CDX1: variants seen among roughly 807,000 people sequenced by gnomAD.
CDX1 encodes homeobox protein CDX-1.
CDX1 carries 9 observed loss-of-function variants against 16.9 expected under a neutral mutation model. The observed-to-expected ratio is 0.53, with a 90% CI of 0.32 to 0.93. The LOEUF is 0.93. Ranked by LOEUF, CDX1 falls within the 40% of genes least tolerant of loss-of-function variation. The pLI, the probability that CDX1 is intolerant of heterozygous loss-of-function variation, is 0.04. For synonymous variants in CDX1, 179 were observed against 179.0 expected, an observed-to-expected ratio of 1.00 and a Z score of 0.00; for missense variants, 393 against 386.1, an observed-to-expected ratio of 1.02 and a Z score of -0.15.
Position 150,166,870 on chromosome 5 carries a change from G to A in CDX1, c.-7G>A, listed in dbSNP as rs1367137399. The A allele has an allele frequency of 6.8e-7, 1 of 1,479,522 alleles. No homozygotes were observed. Among genetic ancestry groups the A allele is most frequent in the African/African-American group, 1.5e-5 (1 of 67,770 alleles). 91.6% of individuals were successfully genotyped at this position (1,479,522 alleles called of 1,614,324 possible). ...GCCCAGCATGCGCGGGGGACCCCGC[G>A]GCCACCATGTATGTGGGCTATGTGC... On this transcript the variant is annotated 5_prime_UTR_variant, in exon 1 of 3. Transcript: ENST00000231656.
intron 2 of CDX1, 143 bp downstream of exon 2, chr5:150,183,056 A>C: frequency 2.0e-6 from 2 of 1,009,444 alleles, no homozygotes; most frequent in Non-Finnish European, 2.8e-6. Context: ...GCAGAAACTG[A>C]GGTGCTACCA....
chr5:150,179,513 T>C (rs548853880), intron 1 of CDX1, among the ~76,000 whole-genome samples: 1 of 152,378 alleles, frequency 6.6e-6, no homozygotes, highest in South Asian at 2.1e-4. Context: ...GACAGCCCTC[T>C]GCAAGTGCCC....
At chr5:150,176,298 G>A (rs953329971) in intron 1 of CDX1, among the ~76,000 whole-genome samples, 1 of 152,230 alleles carries the variant, frequency 6.6e-6, no homozygotes, top group African/African-American at 2.4e-5. Flanking sequence ...TCCACAGCAA[G>A]TGACCTATAA....
At chr5:150,175,865 C>A (rs1443038709) in intron 1 of CDX1, among the ~76,000 whole-genome samples, 1 of 152,222 alleles carries the variant, frequency 6.6e-6, no homozygotes, top group African/African-American at 2.4e-5. Context: ...CTCTCTCTCA[C>A]GAGGGACTCC....
intron 1 of CDX1, among the ~76,000 whole-genome samples, chr5:150,174,150 A>C (rs944205429): frequency 6.6e-6 from 1 of 152,224 alleles, no homozygotes; most frequent in Non-Finnish European, 1.5e-5. Flanking sequence ...AAGGGGCTGG[A>C]GGCAGAGCCC....
At chr5:150,173,453 G>C (rs1031253066) in intron 1 of CDX1, among the ~76,000 whole-genome samples, 1 of 152,122 alleles carries the variant, frequency 6.6e-6, no homozygotes, top group African/African-American at 2.4e-5. Flanking sequence ...TCAACCTCAG[G>C]TCTTGGCTTA....
At chr5:150,176,766 G>A (rs1761574594) in intron 1 of CDX1, among the ~76,000 whole-genome samples, 1 of 152,266 alleles carries the variant, frequency 6.6e-6, no homozygotes, top group Non-Finnish European at 1.5e-5. Flanking sequence ...TTAGCTGGTG[G>A]TTTAGAATCC....
rs147832567 is a variant in CDX1, at chr5:150,177,863, C to T, written c.446-4905C>T. ...TCTGGGCTGGAACTCCTGACTGCCC[C>T]GAGACACCTCTGGAGTCACAGAGTG... On this transcript the variant is annotated intron_variant, in intron 1 of 2. Coordinates refer to ENST00000231656, the MANE Select transcript of CDX1 (RefSeq NM_001804.3). Among the ~76,000 whole-genome samples, 1,402 of 152,186 alleles carry T rather than the reference C, an allele frequency of 9.2e-3. 16 individuals carry two copies. Among genetic ancestry groups the T allele is most frequent in the Non-Finnish European group, 0.011 (743 of 68,008 alleles).
intron 1 of CDX1, among the ~76,000 whole-genome samples, chr5:150,171,265 G>A (rs972549713): frequency 3.3e-5 from 5 of 152,220 alleles, no homozygotes; most frequent in Non-Finnish European, 7.3e-5. Context: ...ACCTTCTCAA[G>A]GCACATGCCC....
At chr5:150,177,536 T>A (rs1761584720) in intron 1 of CDX1, among the ~76,000 whole-genome samples, 1 of 152,200 alleles carries the variant, frequency 6.6e-6, no homozygotes, top group Non-Finnish European at 1.5e-5. Flanking sequence ...TCTACTGCTG[T>A]TTCTGAGGCC....
rs1473964818 is a variant in CDX1 at position 150,184,208 on chromosome 5, C to G, written c.*528C>G. 2 of 152,408 alleles carry G rather than the reference C, an allele frequency of 1.3e-5. No individual in the cohort carries two copies. Among genetic ancestry groups the G allele is most frequent in the African/African-American group, 4.8e-5 (2 of 41,466 alleles). 9.4% of individuals were successfully genotyped at this position (152,408 alleles called of 1,614,324 possible). On this transcript the variant is annotated 3_prime_UTR_variant, in exon 3 of 3. Coordinates refer to ENST00000231656, the MANE Select transcript of CDX1 (RefSeq NM_001804.3). ...CCCTTCCCAGGCTGGATACTAAGCA[C>G]AAAGCCCATAGCACTGGGCTCTGAT...
chr5:150,168,082 C>T (rs1761457675), intron 1 of CDX1, among the ~76,000 whole-genome samples: 1 of 152,198 alleles, frequency 6.6e-6, no homozygotes, highest in African/African-American at 2.4e-5. Context: ...CGTTATGGGT[C>T]CCCCCTTTGT....
At chr5:150,171,154 A>G (rs951092708) in intron 1 of CDX1, among the ~76,000 whole-genome samples, 3 of 152,110 alleles carry the variant, frequency 2.0e-5, no homozygotes, top group African/African-American at 7.2e-5. Context: ...CCCACATTGC[A>G]GGTCCTCTCC....
intron 1 of CDX1, 58 bp downstream of exon 1, chr5:150,167,379 A>G (rs2113946564): frequency 8.5e-7 from 1 of 1,170,278 alleles, no homozygotes; most frequent in Non-Finnish European, 1.1e-6. Flanking sequence ...GGCGCGGCCC[A>G]GGCCGCCCCC....
intron 1 of CDX1, among the ~76,000 whole-genome samples, chr5:150,173,313 C>T (rs372679286): frequency 1.2e-4 from 19 of 152,204 alleles, no homozygotes; most frequent in South Asian, 6.2e-4. Context: ...ACAAGGCAGA[C>T]GGGTCCACCT....
intron 1 of CDX1, among the ~76,000 whole-genome samples, chr5:150,172,830 G>C (rs1761523944): frequency 6.6e-6 from 1 of 152,356 alleles, no homozygotes; most frequent in Admixed American, 6.5e-5. Flanking sequence ...TGCTTTGGCA[G>C]ATATTGCTGC....
chr5:150,176,748 C>G (rs909350931), intron 1 of CDX1, among the ~76,000 whole-genome samples: 6 of 152,236 alleles, frequency 3.9e-5, no homozygotes, highest in Non-Finnish European at 5.9e-5. Flanking sequence ...GACCAGGACC[C>G]ACTGACTTTA....
At chr5:150,180,932 T>C (rs917059203) in intron 1 of CDX1, among the ~76,000 whole-genome samples, 1 of 152,164 alleles carries the variant, frequency 6.6e-6, no homozygotes, top group African/African-American at 2.4e-5. Context: ...CCGCCCTCTC[T>C]CCTGGGTTAC....
At chr5:150,180,670 G>A (rs1761629635) in intron 1 of CDX1, among the ~76,000 whole-genome samples, 1 of 152,158 alleles carries the variant, frequency 6.6e-6, no homozygotes, top group African/African-American at 2.4e-5. Context: ...GACCCGCCAT[G>A]CCCTGGTGGG....
Sources: gnomAD v4.1 joint callset for allele counts (sites outside exome capture counted in the v4.1 genomes callset) on GRCh38, gnomAD v4.1.1 for gene constraint, MANE v1.5 for transcripts, NCBI Gene and HGNC (gene_info 2026-07-23, HGNC 2026-07-21) for gene names.